The following POC1B variants were observed in gnomAD, a reference collection of about 807,000 sequenced individuals.
POC1B encodes POC1 centriolar protein homolog B.
POC1B carries 44 observed loss-of-function variants against 60.6 expected under a neutral mutation model. The ratio of observed to expected loss-of-function variants is 0.73; its 90% CI spans 0.57 to 0.93. The LOEUF (loss-of-function observed/expected upper bound fraction) is 0.93. Ranked by LOEUF, POC1B falls within the 40% of genes least tolerant of loss-of-function variation. POC1B has a pLI of 0.00. For missense variants in POC1B, 555 were observed against 572.3 expected (o/e 0.97, Z 0.31); for synonymous variants, 180 against 198.9 (o/e 0.90, Z 0.80).
chr12:89,469,694 C>T (rs1280073793), intron 7 of POC1B, among the ~76,000 whole-genome samples: 2 of 152,102 alleles, frequency 1.3e-5, no homozygotes, highest in Non-Finnish European at 2.9e-5. Context: ...CAGGGCTAAG[C>T]GGGACAGCCT....
At chr12:89,523,369 A>G in intron 2 of POC1B, 1 of 1,614,056 alleles carries the variant, frequency 6.2e-7, no homozygotes, top group African/African-American at 1.3e-5. Flanking sequence ...TCTATTGTAG[A>G]AGTGCTCTTT....
chr12:89,467,110 AT>A (rs1389612621), intron 8 of POC1B, among the ~76,000 whole-genome samples, 188 bp from the exon 9 acceptor site: 1 of 152,098 alleles, frequency 6.6e-6, no homozygotes, highest in African/African-American at 2.4e-5. Context: ...AACATTTTGA[AT>A]TGCCTTCATG....
intron 4 of POC1B, among the ~76,000 whole-genome samples, chr12:89,478,077 A>ACATTCATTCATT (rs3990284): frequency 6.7e-6 from 1 of 149,032 alleles, no homozygotes; most frequent in Non-Finnish European, 1.5e-5. Context: ...GCCCACAACC[A>ACATTCATTCATT]CATTCATTCA....
At chr12:89,497,885 C>T (rs776357457) in intron 2 of POC1B, among the ~76,000 whole-genome samples, 10 of 152,174 alleles carry the variant, frequency 6.6e-5, no homozygotes, top group Non-Finnish European at 1.5e-4. Context: ...TTGTAATTTG[C>T]TCTGTACTTG....
chr12:89,498,379 T>C (rs997592083), intron 2 of POC1B, among the ~76,000 whole-genome samples: 4 of 152,200 alleles, frequency 2.6e-5, no homozygotes, highest in African/African-American at 9.7e-5. Flanking sequence ...TTTTATTATA[T>C]GCATGTAGCC....
intron 2 of POC1B, chr12:89,501,682 C>A: frequency 9.6e-7 from 1 of 1,045,296 alleles, no homozygotes; most frequent in Non-Finnish European, 1.5e-6. Context: ...TTCCAGGCAT[C>A]CGTCTAATTG....
chr12:89,472,150 C>T lies in POC1B; in HGVS notation c.560+18G>A. ...TAGAAAACTAACCCACATAAATGCA[C>T]AAAGAAAGTGTACTTACCCAACGGA... On this transcript the variant is annotated intron_variant, in intron 5 of 11. Transcript: ENST00000313546. 1 of 1,474,472 alleles carries T rather than the reference C, an allele frequency of 6.8e-7. No individual in the cohort carries two copies. Among genetic ancestry groups the T allele is most frequent in the African/African-American group, 1.4e-5 (1 of 71,122 alleles). 91.3% of individuals were successfully genotyped at this position (1,474,472 alleles called of 1,614,324 possible). A position where few individuals can be genotyped will look rare whatever the true frequency, so the allele number is the denominator to read the frequency against.
chr12:89,478,077 ACATTCATTCATT>A (rs3990284), intron 4 of POC1B, among the ~76,000 whole-genome samples: 65,080 of 148,812 alleles, frequency 0.44, 14,669 homozygotes, highest in Middle Eastern at 0.47. Context: ...GCCCACAACC[ACATTCATTCATT>A]CATTCATTCA....
intron 2 of POC1B, among the ~76,000 whole-genome samples, chr12:89,508,230 A>G (rs1311815433): frequency 6.6e-6 from 1 of 152,208 alleles, no homozygotes; most frequent in African/African-American, 2.4e-5. Context: ...AGCATGATAT[A>G]TGTTGGAGAC....
intron 9 of POC1B, among the ~76,000 whole-genome samples, chr12:89,460,557 G>T (rs939770177): frequency 1.3e-5 from 2 of 152,086 alleles, no homozygotes; most frequent in Non-Finnish European, 2.9e-5. Context: ...AAAAACTATT[G>T]GAAGTACCCT....
At chr12:89,504,407 C>A (rs572960660) in intron 2 of POC1B, among the ~76,000 whole-genome samples, 7 of 152,106 alleles carry the variant, frequency 4.6e-5, no homozygotes, top group Non-Finnish European at 5.9e-5. Context: ...TTGAAGGCAG[C>A]ATGCTCCTTA....
intron 10 of POC1B, among the ~76,000 whole-genome samples, chr12:89,438,065 A>G (rs905576073): frequency 1.3e-5 from 2 of 151,382 alleles, no homozygotes; most frequent in African/African-American, 4.9e-5. Context: ...AAAAAAAAAA[A>G]ATTAAAAAAT....
At chr12:89,520,824 G>A (rs1237870592) in intron 2 of POC1B, 2 of 152,126 alleles carry the variant, frequency 1.3e-5, no homozygotes, top group Admixed American at 6.5e-5. Context: ...CTAGGCCAAA[G>A]TGAACTAATT....
chr12:89,447,309 CAT>C (rs1370453150), intron 10 of POC1B, among the ~76,000 whole-genome samples: 1 of 152,000 alleles, frequency 6.6e-6, no homozygotes. Context: ...GTAAGACAGT[CAT>C]ATGTTTATTA....
At chr12:89,503,105 A>C (rs1869667827) in intron 2 of POC1B, among the ~76,000 whole-genome samples, 1 of 151,562 alleles carries the variant, frequency 6.6e-6, no homozygotes, top group African/African-American at 2.4e-5. Context: ...CCCTATCCCT[A>C]TCCCTCTCTC....
At chr12:89,464,740 C>T (rs1479311576) in intron 9 of POC1B, among the ~76,000 whole-genome samples, 17 of 150,928 alleles carry the variant, frequency 1.1e-4, no homozygotes, top group Admixed American at 9.2e-4. Flanking sequence ...CCCACCTCGG[C>T]CTTCCAAAGT....
At chr12:89,416,564 G>A (rs533749601), downstream of POC1B, among the ~76,000 whole-genome samples, 2 of 152,198 alleles carry the variant, frequency 1.3e-5, no homozygotes, top group African/African-American at 2.4e-5. Context: ...GATATCTACA[G>A]TGTTAACTAG....
chr12:89,524,629 C>A, intron 2 of POC1B: 2 of 1,447,248 alleles, frequency 1.4e-6, no homozygotes, highest in Non-Finnish European at 1.9e-6. Context: ...ACAGCTCGAG[C>A]TCAGGTACTT....
chr12:89,503,897 G>A (rs1460082741), intron 2 of POC1B, among the ~76,000 whole-genome samples: 1 of 151,472 alleles, frequency 6.6e-6, no homozygotes, highest in Admixed American at 6.6e-5. Flanking sequence ...CGCCCTGTCT[G>A]AGAAGTGAGG....
Sources: allele counts gnomAD v4.1 joint callset (sites outside exome capture counted in the v4.1 genomes callset), GRCh38; gene constraint gnomAD v4.1.1; transcripts MANE v1.5; gene names NCBI Gene and HGNC (gene_info 2026-07-23, HGNC 2026-07-21).